The following DST variants were observed in gnomAD, a reference collection of about 807,000 sequenced individuals.
The protein encoded by DST is dystonin.
A neutral mutation model predicts 875.2 loss-of-function variants in DST; 253 were observed. The ratio of observed to expected loss-of-function variants is 0.29; its 90% confidence interval spans 0.26 to 0.32. DST has a LOEUF of 0.32. Among genes scored for constraint, DST ranks in the 10% least tolerant of loss-of-function variants. The pLI is 1.00. For synonymous variants in DST, 3,124 were observed against 3,197.1 expected (o/e 0.98, Z 0.77); for missense variants, 8,287 against 9,111.6 (o/e 0.91, Z 3.68).
rs543906721 is a variant in DST, at chr6:56,648,715, G to T, written c.1435-26C>A. On this transcript the variant is annotated intron_variant, in intron 12 of 103. Coordinates refer to ENST00000680361, the MANE Select transcript of DST (RefSeq NM_001374736.1). Reference sequence around the variant, plus strand: ...CTAGAACAATCAAATGATAGAAAAGGTTCACATCTGTAGATAATAACATTC... The same window carrying T: ...CTAGAACAATCAAATGATAGAAAAGTTTCACATCTGTAGATAATAACATTC... 1.0e-4 allele frequency: 159 copies of T among 1,533,808 alleles called. 3 individuals are homozygous for T. The South Asian group carries it at 1.9e-3, about 18-fold the overall frequency.
intron 9 of DST, chr6:56,693,054 TC>T (rs1421591666): frequency 1.6e-6 from 2 of 1,289,808 alleles, no homozygotes; most frequent in Admixed American, 4.6e-5. Context: ...AATATTTTCT[TC>T]CAGGAGAGTA....
In DST at chr6:56,568,020, G is replaced by A. The variant is rs552153418; in HGVS notation, c.14005+449C>T. ...AATGATGTACAGAATAAAATACGCAGGAATAAAATAACAGAGTGCCCACGC... is the reference window on the plus strand; with the variant it reads ...AATGATGTACAGAATAAAATACGCAAGAATAAAATAACAGAGTGCCCACGC... On this transcript the variant is annotated intron_variant, in intron 55 of 103. Coordinates refer to ENST00000680361, the MANE Select transcript of DST (RefSeq NM_001374736.1). Among the ~76,000 whole-genome samples, 494 of 152,000 alleles carry A rather than the reference G, an allele frequency of 3.2e-3. 1 individual carries two copies. The highest frequency in any genetic ancestry group is 0.011 in the African/African-American group (468 of 41,452).
intron 31 of DST, 88 bp downstream of exon 31, chr6:56,630,157 A>G (rs1587150168): frequency 9.8e-7 from 1 of 1,017,276 alleles, no homozygotes; most frequent in East Asian, 2.4e-5. Context: ...AATCCAAGAT[A>G]TTTAACACTT....
At chr6:56,572,577 G>C (rs913054229) in intron 52 of DST, among the ~76,000 whole-genome samples, 170 bp downstream of exon 52, 1 of 152,110 alleles carries the variant, frequency 6.6e-6, no homozygotes, top group Admixed American at 6.6e-5. Context: ...ATCAGCAAAG[G>C]CTTCAAGGAA....
Position 56,851,385 on chromosome 6 carries a change from A to G in DST, c.625+12T>C. The stretch of plus-strand genomic sequence containing the variant: ...CTTCCCCCACTCCATCCCCTTCCCC[A>G]GATGCTCTTACCTGCTATCCGAAGC... On this transcript the variant is annotated intron_variant, in intron 4 of 103. Transcript: ENST00000680361. The G allele has an allele frequency of 6.2e-7, 1 of 1,610,706 alleles. No individual in the cohort carries two copies.
chr6:56,893,548 T>A (rs1418170371), intron 3 of DST, among the ~76,000 whole-genome samples: 1 of 130,110 alleles, frequency 7.7e-6, no homozygotes, highest in Non-Finnish European at 1.6e-5. Flanking sequence ...CAAATGGTAG[T>A]CCTACTTTTA....
intron 2 of DST, among the ~76,000 whole-genome samples, chr6:56,928,647 C>G (rs1808485126): frequency 1.3e-5 from 2 of 152,106 alleles, no homozygotes; most frequent in African/African-American, 4.8e-5. Context: ...ACAATAATCA[C>G]TATTTGCGGA....
At chr6:56,884,669 C>G (rs1195784248) in intron 3 of DST, among the ~76,000 whole-genome samples, 1 of 152,116 alleles carries the variant, frequency 6.6e-6, no homozygotes, top group East Asian at 1.9e-4. Flanking sequence ...CTGGTGCTGA[C>G]ATGATCCCAG....
At chr6:56,824,374 C>T (rs1416251953) in intron 4 of DST, among the ~76,000 whole-genome samples, 1 of 152,342 alleles carries the variant, frequency 6.6e-6, no homozygotes, top group East Asian at 1.9e-4. Flanking sequence ...ACCTCCCAGC[C>T]GCCTGCCTTG....
chr6:56,780,597 T>C (rs1187903767), intron 4 of DST, among the ~76,000 whole-genome samples: 2 of 152,302 alleles, frequency 1.3e-5, no homozygotes, highest in Middle Eastern at 3.4e-3. Context: ...TGTAAATTTG[T>C]TGGAGTTCAT....
chr6:56,952,583 T>C (rs1412196812), intron 2 of DST, among the ~76,000 whole-genome samples: 1 of 152,220 alleles, frequency 6.6e-6, no homozygotes, highest in Non-Finnish European at 1.5e-5. Flanking sequence ...TTTATACATT[T>C]TAAAATTCAA....
rs752899608 is a variant in DST at position 56,485,439 on chromosome 6, G to C, written c.21080C>G (p.Ser7027Cys). ...CTGTAGGGCATCTGTGAATTGTCCA[G>C]AAAATAACAGGGCTTCCTCCAATTT... ...QNKLEEALLF[S>C]GQFTDALQAL... Residue 7027 changes from serine to cysteine, a missense_variant, in exon 88 of 104, where the codon TCT (serine) becomes TGT (cysteine). Ser to Cys is a moderately radical substitution (Grantham distance 112). Transcript: ENST00000680361. The C allele has an allele frequency of 6.2e-7, 1 of 1,613,844 alleles. No individual in the cohort carries two copies. Among genetic ancestry groups the C allele is most frequent in the Non-Finnish European group, 8.5e-7 (1 of 1,179,816 alleles).
At chr6:56,917,112 C>A (rs182666571) in intron 2 of DST, among the ~76,000 whole-genome samples, 1 of 151,834 alleles carries the variant, frequency 6.6e-6, no homozygotes, top group Non-Finnish European at 1.5e-5. Flanking sequence ...AAAGGACTGA[C>A]CACTCCTGCC....
At chr6:56,471,082 A>G (rs567180315) in intron 95 of DST, 24 bp downstream of exon 95, 1 of 1,602,800 alleles carries the variant, frequency 6.2e-7, no homozygotes, top group South Asian at 1.1e-5. Context: ...TGTATCAGTC[A>G]TAGTCATCTG....
intron 49 of DST, among the ~76,000 whole-genome samples, chr6:56,582,362 T>A (rs1414072408): frequency 6.6e-6 from 1 of 152,088 alleles, no homozygotes; most frequent in Non-Finnish European, 1.5e-5. Flanking sequence ...ATCTGGTCAT[T>A]TAAAAGTATG....
rs147719000 is a variant in DST, at chr6:56,459,306, G to T, written c.23195-39C>A. On this transcript the variant is annotated intron_variant, in intron 103 of 103. Transcript: ENST00000680361. ...GTAGAGACAGCTCACCCTTATTATT[G>T]GGTCCATCTGCAACTAATTTTTGAA... 4.5e-6 allele frequency: 7 copies of T among 1,570,950 alleles called. No individual in the cohort carries two copies. The South Asian group carries it at 4.7e-5, about 11-fold the overall frequency.
intron 5 of DST, among the ~76,000 whole-genome samples, chr6:56,712,468 C>T (rs1458716770): frequency 1.3e-5 from 2 of 152,038 alleles, no homozygotes; most frequent in African/African-American, 4.8e-5. Context: ...ATCAAGGAAA[C>T]AAAATTTTGA....
chr6:56,709,053 C>T (rs1262108115), intron 5 of DST, among the ~76,000 whole-genome samples: 1 of 152,196 alleles, frequency 6.6e-6, no homozygotes, highest in Non-Finnish European at 1.5e-5. Flanking sequence ...AGTAAAAGCA[C>T]TATGAAATAC....
chr6:56,839,876 G>A (rs1158653681), intron 4 of DST, among the ~76,000 whole-genome samples: 2 of 152,162 alleles, frequency 1.3e-5, no homozygotes, highest in Non-Finnish European at 2.9e-5. Context: ...ACAGCAGTTT[G>A]CAGGGGGTGA....
Sources: allele counts gnomAD v4.1 joint callset (sites outside exome capture counted in the v4.1 genomes callset), GRCh38; gene constraint gnomAD v4.1.1; transcripts MANE v1.5; gene names NCBI Gene and HGNC (gene_info 2026-07-23, HGNC 2026-07-21).